UNC5D: variants seen among roughly 807,000 people sequenced by gnomAD.
UNC5D encodes netrin receptor UNC5D.
UNC5D carries 39 observed loss-of-function variants against 105.4 expected under a neutral mutation model. That is an observed-to-expected ratio of 0.37 (90% CI 0.29 to 0.48). UNC5D has a LOEUF of 0.48. Ranked by LOEUF, UNC5D falls within the 20% of genes least tolerant of loss-of-function variation. UNC5D has a pLI of 0.98. For synonymous variants in UNC5D, 452 were observed against 450.4 expected (o/e 1.00, Z -0.04); for missense variants, 991 against 1,202.4 (o/e 0.82, Z 2.60).
intron 13 of UNC5D, among the ~76,000 whole-genome samples, chr8:35,758,223 A>G (rs1000299044): frequency 6.6e-6 from 1 of 152,244 alleles, no homozygotes; most frequent in African/African-American, 2.4e-5. Context: ...TTAGTCAAAA[A>G]TGTTTTTGTT....
Position 35,790,650 on chromosome 8 carries a change from T to C in UNC5D, c.*87T>C. On this transcript the variant is annotated 3_prime_UTR_variant, in exon 17 of 17. Transcript: ENST00000404895. ...AGAGGCCGCTTTCTGCCCAGTGGCG[T>C]TGGGGGAATTCAGCCTTCATTTATA... The C allele has an allele frequency of 6.9e-7, 1 of 1,443,686 alleles. No homozygotes were observed. The highest frequency in any genetic ancestry group is 9.5e-7 in the Non-Finnish European group (1 of 1,047,206). The allele number at this position is 1,443,686 out of a possible 1,614,324, so 89.4% of individuals were successfully genotyped here.
chr8:35,299,717 T>C (rs1214439047), intron 1 of UNC5D, among the ~76,000 whole-genome samples: 1 of 152,214 alleles, frequency 6.6e-6, no homozygotes, highest in African/African-American at 2.4e-5. Context: ...ATAAGATTAT[T>C]TACTGTAGTA....
chr8:35,311,914 C>A (rs2128878981), intron 1 of UNC5D, among the ~76,000 whole-genome samples: 1 of 152,162 alleles, frequency 6.6e-6, no homozygotes, highest in South Asian at 2.1e-4. Flanking sequence ...CCTCTGGACT[C>A]CATATTGGCA....
Position 35,566,866 on chromosome 8 carries a change from C to T in UNC5D, c.323-1232C>T, listed in dbSNP as rs189773304. Among the ~76,000 whole-genome samples, 13 of 152,224 alleles carry T rather than the reference C, an allele frequency of 8.5e-5. No homozygotes were observed. In the East Asian group the frequency reaches 1.2e-3, roughly 14 times the overall value. On this transcript the variant is annotated intron_variant, in intron 2 of 16. Transcript: ENST00000404895. ...GAGAATGTGTGCTGGATGAAGAGGA[C>T]GTGCTGGCTGTGAAGGCTGCTTCCC...
intron 4 of UNC5D, among the ~76,000 whole-genome samples, chr8:35,627,982 T>G (rs886726613): frequency 7.2e-5 from 11 of 152,152 alleles, no homozygotes; most frequent in African/African-American, 2.7e-4. Context: ...AGATTTTTTT[T>G]GATTGGGGGT....
At chr8:35,501,375 T>G (rs1811962931) in intron 1 of UNC5D, among the ~76,000 whole-genome samples, 1 of 152,204 alleles carries the variant, frequency 6.6e-6, no homozygotes. Flanking sequence ...TTTATGTTTC[T>G]ATACTTGAAG....
chr8:35,274,469 C>A (rs1000129833), intron 1 of UNC5D, among the ~76,000 whole-genome samples: 1 of 152,198 alleles, frequency 6.6e-6, no homozygotes, highest in African/African-American at 2.4e-5. Context: ...TTCAGCACCT[C>A]TGGTGTGTGG....
At chr8:35,782,226 GGT>G (rs1802533124) in intron 16 of UNC5D, among the ~76,000 whole-genome samples, 1 of 152,216 alleles carries the variant, frequency 6.6e-6, no homozygotes, top group East Asian at 1.9e-4. Flanking sequence ...AAATGCTTAT[GGT>G]GTGTTCAATT....
intron 2 of UNC5D, among the ~76,000 whole-genome samples, chr8:35,563,985 C>T (rs576111742): frequency 6.6e-6 from 1 of 151,966 alleles, no homozygotes; most frequent in Non-Finnish European, 1.5e-5. Flanking sequence ...GTTAATGATC[C>T]TTTAATGTGT....
At chr8:35,767,246 T>C (rs546152758) in intron 15 of UNC5D, among the ~76,000 whole-genome samples, 180 bp downstream of exon 15, 1 of 152,182 alleles carries the variant, frequency 6.6e-6, no homozygotes, top group East Asian at 1.9e-4. Context: ...TGAACTAAAC[T>C]TCCCCCTGGG....
intron 1 of UNC5D, among the ~76,000 whole-genome samples, chr8:35,367,598 A>C (rs1368697814): frequency 6.6e-6 from 1 of 151,990 alleles, no homozygotes; most frequent in African/African-American, 2.4e-5. Flanking sequence ...ATAAACCCTC[A>C]AATACTTCAC....
At chr8:35,762,281 G>A (rs1336950586) in intron 14 of UNC5D, among the ~76,000 whole-genome samples, 1 of 152,070 alleles carries the variant, frequency 6.6e-6, no homozygotes, top group Non-Finnish European at 1.5e-5. Flanking sequence ...TTCAAGGTTG[G>A]GCCCTGAGAT....
chr8:35,292,868 C>T (rs1337633015), intron 1 of UNC5D, among the ~76,000 whole-genome samples: 1 of 151,790 alleles, frequency 6.6e-6, no homozygotes, highest in East Asian at 1.9e-4. Flanking sequence ...AGGCATGTGC[C>T]ACCACATGCG....
At chr8:35,693,122 G>A (rs932343367) in intron 7 of UNC5D, among the ~76,000 whole-genome samples, 6 of 152,146 alleles carry the variant, frequency 3.9e-5, no homozygotes, top group African/African-American at 1.4e-4. Flanking sequence ...GAGTGGCTCA[G>A]GAGTGAAGTT....
chr8:35,525,462 TG>T (rs1166263001), intron 1 of UNC5D: 1 of 1,612,190 alleles, frequency 6.2e-7, no homozygotes, highest in South Asian at 1.1e-5. Context: ...TGCATAGGCC[TG>T]GCTCAGCTTC....
chr8:35,320,423 A>G (rs1809648696), intron 1 of UNC5D, among the ~76,000 whole-genome samples: 1 of 152,142 alleles, frequency 6.6e-6, no homozygotes, highest in Non-Finnish European at 1.5e-5. Context: ...CTTATCAGAC[A>G]TAAAAAGATG....
At chr8:35,396,344 G>T (rs1428484588) in intron 1 of UNC5D, among the ~76,000 whole-genome samples, 5 of 152,090 alleles carry the variant, frequency 3.3e-5, no homozygotes, top group Non-Finnish European at 7.4e-5. Context: ...GCTGAGTCGG[G>T]GAAAGCAGGC....
chr8:35,662,134 C>G (rs1003001193), intron 4 of UNC5D, among the ~76,000 whole-genome samples: 2 of 147,254 alleles, frequency 1.4e-5, no homozygotes, highest in African/African-American at 5.1e-5. Context: ...AAGTAAACTC[C>G]TTTGTATCTC....
At chr8:35,501,421 A>C (rs1166320623) in intron 1 of UNC5D, among the ~76,000 whole-genome samples, 1 of 152,220 alleles carries the variant, frequency 6.6e-6, no homozygotes, top group East Asian at 1.9e-4. Context: ...TCAAATTCAG[A>C]TCACTATGGG....
Sources: allele counts gnomAD v4.1 joint callset (sites outside exome capture counted in the v4.1 genomes callset), GRCh38; gene constraint gnomAD v4.1.1; transcripts MANE v1.5; gene names NCBI Gene and HGNC (gene_info 2026-07-23, HGNC 2026-07-21).